TRIM26: variants seen among roughly 807,000 people sequenced by gnomAD.
TRIM26 encodes tripartite motif containing 26.
Under a neutral mutation model 45.5 loss-of-function variants are expected in TRIM26, and 16 were observed. The ratio of observed to expected loss-of-function variants is 0.35; its 90% CI spans 0.24 to 0.53. The LOEUF (loss-of-function observed/expected upper bound fraction) is 0.53. Among genes scored for constraint, TRIM26 ranks in the 20% least tolerant of loss-of-function variants. TRIM26 has a pLI of 0.92. For synonymous variants in TRIM26, 273 were observed against 290.4 expected, an observed-to-expected ratio of 0.94 and a Z score of 0.61; for missense variants, 442 against 691.1, an observed-to-expected ratio of 0.64 and a Z score of 4.04.
chr6:30,188,403 C>A, intron 9 of TRIM26: 1 of 331,388 alleles, frequency 3.0e-6, no homozygotes, highest in Non-Finnish European at 5.9e-6. Context: ...CAGGTACTGA[C>A]AGAGTGGGAT....
chr6:30,196,846 C>A lies in TRIM26; in HGVS notation c.535-100G>T. On this transcript the variant is annotated intron_variant, in intron 5 of 9. Coordinates refer to ENST00000454678, the MANE Select transcript of TRIM26 (RefSeq NM_003449.5). The surrounding 1 kb of genome is among the most constrained non-coding windows in gnomAD (Gnocchi z 4.9). ...GGCTGGCTCGTTCACCTCGCTACCC[C>A]CGTTCAGGAATTCTACAGGATCTGG... The A allele has an allele frequency of 1.7e-6, 2 of 1,147,426 alleles. No homozygotes were observed. The highest frequency in any genetic ancestry group is 2.0e-4 in the Middle Eastern group (1 of 5,038). 71.1% of individuals were successfully genotyped at this position (1,147,426 alleles called of 1,614,324 possible). A position where few individuals can be genotyped will look rare whatever the true frequency, so the allele number is the denominator to read the frequency against.
In TRIM26 at chr6:30,193,257, C is replaced by T. The variant is rs145531105; in HGVS notation, c.766-3222G>A. ...AATGCAGTGGCACAATCTCGGCTCA[C>T]TGCAACCTCTGCCTCCTGGATTCAA... On this transcript the variant is annotated intron_variant, in intron 6 of 9. Transcript: ENST00000454678. Among the ~76,000 whole-genome samples, 576 of 146,000 alleles carry T rather than the reference C, an allele frequency of 3.9e-3. 2 individuals carry two copies. Among genetic ancestry groups the T allele is most frequent in the Middle Eastern group, 0.011 (3 of 278 alleles).
rs776071184 is a variant in TRIM26 at position 30,189,158 on chromosome 6, G to A, written c.937+9C>T. The A allele has an allele frequency of 1.2e-6, 2 of 1,612,370 alleles. No homozygotes were observed. The highest frequency in any genetic ancestry group is 1.3e-5 in the African/African-American group (1 of 74,988). Reference sequence around the variant, plus strand: ...ATGTACATCTGGGAAACACCCTCTAGACACTCACCTGTCTTATATTCCAAG... The same window carrying A: ...ATGTACATCTGGGAAACACCCTCTAAACACTCACCTGTCTTATATTCCAAG... On this transcript the variant is annotated intron_variant, in intron 9 of 9. Transcript: ENST00000454678. The surrounding 1 kb of genome is among the most constrained non-coding windows in gnomAD (Gnocchi z 5.0).
In TRIM26 at chr6:30,190,025, T is replaced by C. The variant is rs1775656143; in HGVS notation, c.776A>G (p.Asp259Gly). The change falls in exon 7 of 10, where the codon GAC (aspartate) becomes GGC (glycine). Residue 259 changes from aspartate (D) to glycine (G), a missense_variant. Asp to Gly is a moderately conservative substitution (Grantham distance 94). Coordinates refer to ENST00000454678, the MANE Select transcript of TRIM26 (RefSeq NM_003449.5). The surrounding 1 kb of genome is among the most constrained non-coding windows in gnomAD (Gnocchi z 4.3). ...PAAELMQDTR[D>G]FLNRYPRKKF... Reference sequence around the variant, plus strand: ...GAGACTCTTTTACCTGTTTAGGAAGTCTCTCGTGTCCTAGAAGGGAAAGAA... The same window carrying C: ...GAGACTCTTTTACCTGTTTAGGAAGCCTCTCGTGTCCTAGAAGGGAAAGAA... The C allele has an allele frequency of 1.2e-6, 2 of 1,612,826 alleles. No individual in the cohort carries two copies. Among genetic ancestry groups the C allele is most frequent in the Admixed American group, 1.7e-5 (1 of 59,992 alleles).
chr6:30,193,166 A>G (rs1193867432), intron 6 of TRIM26, among the ~76,000 whole-genome samples: 1 of 46,112 alleles, frequency 2.2e-5, no homozygotes, highest in Non-Finnish European at 3.6e-5. Context: ...GTGTGTGTAT[A>G]TATATATATA....
At chr6:30,199,772 GA>G (rs1276098407) in intron 3 of TRIM26, among the ~76,000 whole-genome samples, 1 of 152,056 alleles carries the variant, frequency 6.6e-6, no homozygotes, top group Admixed American at 6.5e-5. Context: ...GAGTAGCTGG[GA>G]CTACAGGCAC....
Position 30,185,829 on chromosome 6 carries a change from A to G in TRIM26, c.*47T>C, listed in dbSNP as rs1429415730. On this transcript the variant is annotated 3_prime_UTR_variant, in exon 10 of 10. Coordinates refer to ENST00000454678, the MANE Select transcript of TRIM26 (RefSeq NM_003449.5). This position sits in a 1 kb window ranked among gnomAD's most constrained non-coding sequence, Gnocchi z 5.7. Reference sequence around the variant, plus strand: ...CCCCATTGAGAGTCCTGGAATTCCAAAGAAGTGAAGCATCTGAGGGTTGGG... The same window carrying G: ...CCCCATTGAGAGTCCTGGAATTCCAGAGAAGTGAAGCATCTGAGGGTTGGG... 3 of 1,560,902 alleles carry G rather than the reference A, an allele frequency of 1.9e-6. No individual in the cohort carries two copies. In the African/African-American group the frequency reaches 4.1e-5, roughly 21 times the overall value.
chr6:30,212,464 G>A (rs1402844867), intron 1 of TRIM26, among the ~76,000 whole-genome samples: 1 of 152,200 alleles, frequency 6.6e-6, no homozygotes, highest in Non-Finnish European at 1.5e-5. Flanking sequence ...GTTAATAACA[G>A]GGGATCCGGT....
At chr6:30,201,787 G>A (rs1017464567) in intron 2 of TRIM26, among the ~76,000 whole-genome samples, 1 of 151,970 alleles carries the variant, frequency 6.6e-6, no homozygotes, top group Non-Finnish European at 1.5e-5. Flanking sequence ...GGCAGAGGTT[G>A]CAGTGAGCCG....
chr6:30,184,467 GTC>G lies in TRIM26; in HGVS notation c.*1407_*1408del, dbSNP rs1406924387. On this transcript the variant is annotated 3_prime_UTR_variant, in exon 10 of 10. Transcript: ENST00000454678. The stretch of plus-strand genomic sequence containing the variant: ...GATCTCCAGGCTGTTCATTCAACAA[GTC>G]TTTATTGAGCACCTACTCTGTGCCC... 3.9e-5 allele frequency: 6 copies of G among 152,248 alleles called. No homozygotes were observed. Among genetic ancestry groups the G allele is most frequent in the Admixed American group, 2.6e-4 (4 of 15,280 alleles). The allele number at this position is 152,248 out of a possible 1,614,324, so 9.4% of individuals were successfully genotyped here.
rs1456705611 is a variant in TRIM26 at position 30,207,882 on chromosome 6, C to A, written c.-375-3117G>T. ...AGCTTGAAGTCTCAGCTGAAAGCCA[C>A]CTCCTCTGGCAATTCTTTCCTGACC... On this transcript the variant is annotated intron_variant, in intron 1 of 9. Coordinates refer to ENST00000454678, the MANE Select transcript of TRIM26 (RefSeq NM_003449.5). The surrounding 1 kb of genome is among the most constrained non-coding windows in gnomAD (Gnocchi z 4.9). Among the ~76,000 whole-genome samples the A allele has an allele frequency of 2.0e-5, 3 of 152,218 alleles. No individual in the cohort carries two copies. The highest frequency in any genetic ancestry group is 1.9e-4 in the East Asian group (1 of 5,198).
Position 30,186,198 on chromosome 6 carries a change from ACTTCCTCCT to A in TRIM26, c.1289_1297del (p.Glu430_Glu432del), listed in dbSNP as rs1318634264. ...CACCCCCACCATGCAGCTTTCCAGAACTTCCTCCTCTTCCTCCTCCTCTTCTTCCTCTTC... is the reference window on the plus strand; with the variant it reads ...CACCCCCACCATGCAGCTTTCCAGAACTTCCTCCTCCTCTTCTTCCTCTTC... On this transcript the variant is annotated inframe_deletion, in exon 10 of 10. Transcript: ENST00000454678. This position sits in a 1 kb window ranked among gnomAD's most constrained non-coding sequence, Gnocchi z 7.4. The A allele has an allele frequency of 1.9e-6, 3 of 1,597,258 alleles. No homozygotes were observed. Among genetic ancestry groups the A allele is most frequent in the Non-Finnish European group, 1.7e-6 (2 of 1,171,516 alleles).
Position 30,186,897 on chromosome 6 carries a change from G to A in TRIM26, c.938-339C>T, listed in dbSNP as rs142975737. On this transcript the variant is annotated intron_variant, in intron 9 of 9. Transcript: ENST00000454678. This position sits in a 1 kb window ranked among gnomAD's most constrained non-coding sequence, Gnocchi z 7.4. ...CTCATCATTAATATCATCCAAGTGT[G>A]GATCACCAGTCCCTGAAAAATCTGT... is the stretch of plus-strand genomic sequence containing the variant. The A allele has an allele frequency of 2.0e-4, 134 of 674,362 alleles. No homozygotes were observed. The East Asian group carries it at 3.1e-3, about 16-fold the overall frequency. The allele number at this position is 674,362 out of a possible 1,614,324, so 41.8% of individuals were successfully genotyped here. A position where few individuals can be genotyped will look rare whatever the true frequency, so the allele number is the denominator to read the frequency against.
At chr6:30,187,520 G>T in intron 9 of TRIM26, 1 of 520,126 alleles carries the variant, frequency 1.9e-6, no homozygotes, top group South Asian at 1.4e-5. Context: ...GATCTTTAAT[G>T]TCATATTCAG....
Position 30,189,527 on chromosome 6 carries a change from T to G in TRIM26, c.795A>C (p.Pro265=). 1 of 1,612,710 alleles carries G rather than the reference T, an allele frequency of 6.2e-7. No individual in the cohort carries two copies. Among genetic ancestry groups the G allele is most frequent in the South Asian group, 1.1e-5 (1 of 91,078 alleles). ...QDTRDFLNRY[P]RKKFWVGKPI... ...GTTTCCCAACCCAGAACTTCTTCCG[T>G]GGATACCTAAGAAGATGACATACAT... Residue 265 remains proline (P), a synonymous_variant, in exon 8 of 10, where the codon CCA becomes CCC. Transcript: ENST00000454678. This position sits in a 1 kb window ranked among gnomAD's most constrained non-coding sequence, Gnocchi z 5.0.
intron 6 of TRIM26, among the ~76,000 whole-genome samples, chr6:30,193,182 A>ATTTTTTTTT (rs59857727): frequency 5.2e-5 from 2 of 38,808 alleles, no homozygotes; most frequent in African/African-American, 2.4e-4. Context: ...ATATATATAT[A>ATTTTTTTTT]TTTTTTTTTT....
At chr6:30,211,076 G>T (rs1778241832) in intron 1 of TRIM26, among the ~76,000 whole-genome samples, 1 of 152,122 alleles carries the variant, frequency 6.6e-6, no homozygotes. Flanking sequence ...AAAGTAGGGG[G>T]TCTGCAAATG....
chr6:30,185,864 A>T lies in TRIM26; in HGVS notation c.*12T>A. The T allele has an allele frequency of 1.2e-6, 2 of 1,601,958 alleles. No homozygotes were observed. The highest frequency in any genetic ancestry group is 1.7e-6 in the Non-Finnish European group (2 of 1,173,072). ...GCATCTGAGGGTTGGGGCTGGGGGCAGATGTCAGGGCTCAGGGTCTTAGCA... is the reference window on the plus strand; with the variant it reads ...GCATCTGAGGGTTGGGGCTGGGGGCTGATGTCAGGGCTCAGGGTCTTAGCA... On this transcript the variant is annotated 3_prime_UTR_variant, in exon 10 of 10. Coordinates refer to ENST00000454678, the MANE Select transcript of TRIM26 (RefSeq NM_003449.5). This position sits in a 1 kb window ranked among gnomAD's most constrained non-coding sequence, Gnocchi z 5.7.
intron 9 of TRIM26, chr6:30,187,126 G>T: frequency 3.4e-6 from 1 of 291,402 alleles, no homozygotes; most frequent in South Asian, 3.4e-5. Context: ...AAGTTGCATG[G>T]ACTCTACCCC....
Sources: gnomAD v4.1 joint callset for allele counts (sites outside exome capture counted in the v4.1 genomes callset) on GRCh38, gnomAD v4.1.1 for gene constraint, Gnocchi (gnomAD v3.1) non-coding constraint, MANE v1.5 for transcripts, NCBI Gene and HGNC (gene_info 2026-07-23, HGNC 2026-07-21) for gene names.